GNB1: variants seen among roughly 807,000 people sequenced by gnomAD.
GNB1 encodes the protein guanine nucleotide-binding protein G(I)/G(S)/G(T) subunit beta-1.
In GNB1, 2 loss-of-function variants were observed where a neutral mutation model predicts 42.9. The ratio of observed to expected loss-of-function variants is 0.05; its 90% confidence interval spans 0.02 to 0.15. The LOEUF (loss-of-function observed/expected upper bound fraction) is 0.15, where lower values mean the gene tolerates loss of function less well. Among genes scored for constraint, GNB1 ranks in the 10% least tolerant of loss-of-function variants. GNB1 has a pLI of 1.00. For synonymous variants in GNB1, 183 were observed against 174.7 expected (o/e 1.05, Z -0.38); for missense variants, 193 against 462.2 (o/e 0.42, Z 5.34).
At chr1:1,824,377 G>A (rs915048500) in intron 3 of GNB1, among the ~76,000 whole-genome samples, 6 of 152,022 alleles carry the variant, frequency 3.9e-5, no homozygotes, top group African/African-American at 1.4e-4. Context: ...CTTGAAAGAG[G>A]TTGCAGTGAG....
chr1:1,853,697 T>C (rs1281966273), intron 1 of GNB1, among the ~76,000 whole-genome samples: 2 of 152,100 alleles, frequency 1.3e-5, no homozygotes, highest in African/African-American at 2.4e-5. Context: ...ACAGGAATAA[T>C]AGAAACTATG....
At chr1:1,861,182 C>T (rs1042282982) in intron 1 of GNB1, among the ~76,000 whole-genome samples, 2 of 151,544 alleles carry the variant, frequency 1.3e-5, no homozygotes, top group Admixed American at 1.3e-4. Flanking sequence ...CACAGCTGCG[C>T]ACAGTGGCTC....
chr1:1,871,931 TA>T (rs1415808201), intron 1 of GNB1, among the ~76,000 whole-genome samples: 3 of 152,226 alleles, frequency 2.0e-5, no homozygotes, highest in Non-Finnish European at 4.4e-5. Flanking sequence ...ACAGTCTCCT[TA>T]AAATGACCTC....
rs183954318 is a variant in GNB1 at position 1,846,428 on chromosome 1, G to A, written c.-95-7190C>T. On this transcript the variant is annotated intron_variant, in intron 1 of 11. Coordinates refer to ENST00000378609, the MANE Select transcript of GNB1 (RefSeq NM_002074.5). ...CTAAAAACAAAAAAATTAGCCAGGC[G>A]TGGTGGCTGGCACCTGTAATCCCAG... is the stretch of plus-strand genomic sequence containing the variant. Among the ~76,000 whole-genome samples the A allele has an allele frequency of 7.2e-5, 11 of 152,190 alleles. No homozygotes were observed. In the East Asian group the frequency reaches 1.9e-3, roughly 27 times the overall value.
At chr1:1,883,100 G>A (rs554404311) in intron 1 of GNB1, among the ~76,000 whole-genome samples, 1 of 151,226 alleles carries the variant, frequency 6.6e-6, no homozygotes, top group South Asian at 2.1e-4. Flanking sequence ...AGACCAGCCT[G>A]TCTCTACAAA....
intron 1 of GNB1, among the ~76,000 whole-genome samples, chr1:1,884,495 A>G (rs1650037268): frequency 6.6e-6 from 1 of 152,122 alleles, no homozygotes; most frequent in South Asian, 2.1e-4. Context: ...TACAGGCATG[A>G]GCCACCACAC....
chr1:1,788,709 C>T (rs1185165832), intron 10 of GNB1: 4 of 239,152 alleles, frequency 1.7e-5, no homozygotes, highest in East Asian at 7.6e-5. Flanking sequence ...TTAACTGTAA[C>T]GGCACCCAGA....
chr1:1,793,497 A>G, intron 7 of GNB1, 186 bp from the exon 8 acceptor site: 1 of 479,586 alleles, frequency 2.1e-6, no homozygotes, highest in Non-Finnish European at 3.9e-6. Context: ...GGTGAGGGTG[A>G]GAGCCTGGCC....
At position 1,804,587 on chromosome 1, in the gene GNB1, G is replaced by A. The variant is rs1557889988; in HGVS notation, c.268-6C>T. 6.4e-7 allele frequency: 1 copy of A among 1,554,232 alleles called. No homozygotes were observed. Among genetic ancestry groups the A allele is most frequent in the Admixed American group, 2.0e-5 (1 of 50,736 alleles). On this transcript the variant is annotated splice_region_variant and splice_polypyrimidine_tract_variant and intron_variant, in intron 6 of 11. Coordinates refer to ENST00000378609, the MANE Select transcript of GNB1 (RefSeq NM_002074.5). The stretch of plus-strand genomic sequence containing the variant: ...CGCAGAGGGATGGCGTGGACCTAAT[G>A]ACAGAAAGACAGATGATGCAAACAA...
At chr1:1,792,309 C>T (rs1646491297) in intron 8 of GNB1, among the ~76,000 whole-genome samples, 1 of 152,002 alleles carries the variant, frequency 6.6e-6, no homozygotes, top group South Asian at 2.1e-4. Context: ...ACAATCAAAA[C>T]CCACCCTACT....
At chr1:1,836,342 G>A (rs912860473) in intron 2 of GNB1, among the ~76,000 whole-genome samples, 2 of 148,462 alleles carry the variant, frequency 1.3e-5, no homozygotes, top group Non-Finnish European at 3.0e-5. Flanking sequence ...GTCTGTTCAA[G>A]TCACTTGCCT....
At chr1:1,830,913 C>T (rs542565183) in intron 2 of GNB1, among the ~76,000 whole-genome samples, 14 of 152,126 alleles carry the variant, frequency 9.2e-5, no homozygotes, top group Non-Finnish European at 1.9e-4. Flanking sequence ...CCTATAATCC[C>T]AGCACTTTGA....
chr1:1,785,845 C>T lies in GNB1; in HGVS notation c.*1218G>A, dbSNP rs962647499. On this transcript the variant is annotated 3_prime_UTR_variant, in exon 12 of 12. Coordinates refer to ENST00000378609, the MANE Select transcript of GNB1 (RefSeq NM_002074.5). Reference sequence around the variant, plus strand: ...AAATAAAGAAAACAGTGACTTATCCCGCTACCCAAGCGTGTAGAGCCGCGC... The same window carrying T: ...AAATAAAGAAAACAGTGACTTATCCTGCTACCCAAGCGTGTAGAGCCGCGC... 1.3e-5 allele frequency: 5 copies of T among 396,110 alleles called. No homozygotes were observed. The highest frequency in any genetic ancestry group is 1.8e-5 in the Non-Finnish European group (4 of 224,764). 24.5% of individuals were successfully genotyped at this position (396,110 alleles called of 1,614,324 possible). A position where few individuals can be genotyped will look rare whatever the true frequency, so the allele number is the denominator to read the frequency against.
In GNB1 at chr1:1,848,475, C is replaced by T. The variant is rs112449175; in HGVS notation, c.-95-9237G>A. ...GTCTCTCCTACCTCCCCTTCCACCACCTCCATCCAAGACAGCAAGACCAAT... is the reference window on the plus strand; with the variant it reads ...GTCTCTCCTACCTCCCCTTCCACCATCTCCATCCAAGACAGCAAGACCAAT... On this transcript the variant is annotated intron_variant, in intron 1 of 11. Coordinates refer to ENST00000378609, the MANE Select transcript of GNB1 (RefSeq NM_002074.5). 4.8e-3 allele frequency among the ~76,000 whole-genome samples: 728 copies of T among 152,240 alleles called. 3 individuals are homozygous for T. Among genetic ancestry groups the T allele is most frequent in the Middle Eastern group, 0.02 (6 of 294 alleles).
At position 1,790,502 on chromosome 1, in the gene GNB1, G is replaced by C; in HGVS notation, c.592C>G (p.Leu198Val). The change falls in exon 9 of 12, where the codon CTG becomes GTG. Residue 198 changes from leucine to valine, a missense_variant. Around this residue, in one of 2 missense-constraint regions of GNB1, gnomAD observed 150 missense variants for 410.8 expected, o/e 0.37. Transcript: ENST00000378609. The surrounding 1 kb of genome is among the most constrained non-coding windows in gnomAD (Gnocchi z 5.4). ...MSLSLAPDTR[L>V]FVSGACDASA... ...GCATCACAAGCACCAGAGACGAACAGTCTGGTGTCAGGAGCAAGAGAAAGG... is the reference window on the plus strand; with the variant it reads ...GCATCACAAGCACCAGAGACGAACACTCTGGTGTCAGGAGCAAGAGAAAGG... The C allele has an allele frequency of 6.2e-7, 1 of 1,611,806 alleles. No individual in the cohort carries two copies. The highest frequency in any genetic ancestry group is 8.5e-7 in the Non-Finnish European group (1 of 1,177,926).
chr1:1,792,781 T>C (rs1439394812), intron 8 of GNB1, among the ~76,000 whole-genome samples: 1 of 151,748 alleles, frequency 6.6e-6, no homozygotes, highest in East Asian at 1.9e-4. Context: ...AGAAGTATAA[T>C]GAGGCTAGGC....
intron 1 of GNB1, among the ~76,000 whole-genome samples, chr1:1,857,480 A>C (rs1405734052): frequency 6.6e-6 from 1 of 151,984 alleles, no homozygotes; most frequent in African/African-American, 2.4e-5. Context: ...CTCTGCACCA[A>C]CTCACTCCCT....
At chr1:1,862,077 C>G (rs1056076695) in intron 1 of GNB1, among the ~76,000 whole-genome samples, 66 of 152,054 alleles carry the variant, frequency 4.3e-4, no homozygotes, top group Admixed American at 4.3e-3. Flanking sequence ...AAAAAAAAAG[C>G]CTGGTGTGGT....
In GNB1 at chr1:1,859,908, G is replaced by A. The variant is rs535472171; in HGVS notation, c.-95-20670C>T. Among the ~76,000 whole-genome samples the A allele has an allele frequency of 1.2e-4, 19 of 152,154 alleles. No homozygotes were observed. In the South Asian group the frequency reaches 3.7e-3, roughly 30 times the overall value. On this transcript the variant is annotated intron_variant, in intron 1 of 11. Transcript: ENST00000378609. ...CATTTTCAGTTTTTGTTGTGGGGTG[G>A]GGGGAGAGGGGACGGAAAGCATTAG...
Sources: gnomAD v4.1 joint callset for allele counts (sites outside exome capture counted in the v4.1 genomes callset) on GRCh38, gnomAD v4.1.1 for gene constraint, gnomAD v4.1.1 regional missense constraint, Gnocchi (gnomAD v3.1) non-coding constraint, MANE v1.5 for transcripts, NCBI Gene and HGNC (gene_info 2026-07-23, HGNC 2026-07-21) for gene names.